Variants in PPARGC1A observed in about 807,000 individuals in gnomAD.
PPARGC1A encodes peroxisome proliferator-activated receptor gamma coactivator 1-alpha.
Under a neutral mutation model 88.7 loss-of-function variants are expected in PPARGC1A, and 25 were observed. The observed-to-expected ratio is 0.28, with a 90% confidence interval of 0.21 to 0.39. The LOEUF is 0.39. Ranked by LOEUF, PPARGC1A falls within the 10% of genes least tolerant of loss-of-function variation. The pLI, the probability that PPARGC1A is intolerant of heterozygous loss-of-function variation, is 1.00. For synonymous variants in PPARGC1A, 363 were observed against 355.6 expected, an observed-to-expected ratio of 1.02 and a Z score of -0.24; for missense variants, 880 against 968.7, an observed-to-expected ratio of 0.91 and a Z score of 1.22.
chr4:23,981,665 C>A, the PPARGC1A span, among the ~76,000 whole-genome samples: 1 of 152,294 alleles, frequency 6.6e-6, no homozygotes, highest in Non-Finnish European at 1.5e-5. Context: ...CCAGAACCCC[C>A]TAATACAGCA....
chr4:24,097,190 A>G, the PPARGC1A span, among the ~76,000 whole-genome samples: 1 of 152,182 alleles, frequency 6.6e-6, no homozygotes, highest in Admixed American at 6.5e-5. Flanking sequence ...TGCATGCCAC[A>G]ATGCTAAATG....
intron 7 of PPARGC1A, chr4:23,820,470 C>T (rs1160380800): frequency 3.9e-6 from 1 of 255,072 alleles, no homozygotes; most frequent in East Asian, 1.1e-4. Context: ...AAACCGTCAC[C>T]TTGTTGAGCT....
chr4:24,453,408 T>A, the PPARGC1A span, among the ~76,000 whole-genome samples: 1 of 152,336 alleles, frequency 6.6e-6, no homozygotes, highest in Middle Eastern at 3.4e-3. Flanking sequence ...CAACCTGACC[T>A]AATGACTGAC....
the PPARGC1A span, among the ~76,000 whole-genome samples, chr4:24,013,316 A>G: frequency 6.6e-6 from 1 of 152,168 alleles, no homozygotes. Flanking sequence ...ATTAATGTTA[A>G]TCACCACCAT....
the PPARGC1A span, among the ~76,000 whole-genome samples, chr4:24,434,541 G>A: frequency 2.0e-5 from 3 of 152,214 alleles, no homozygotes; most frequent in East Asian, 3.9e-4. Flanking sequence ...TGGCGCTCGC[G>A]TGACAAATGC....
the PPARGC1A span, among the ~76,000 whole-genome samples, chr4:24,172,031 T>C: frequency 6.6e-6 from 1 of 152,166 alleles, no homozygotes; most frequent in Non-Finnish European, 1.5e-5. Context: ...CTTACCATTG[T>C]GTTCTGAGTC....
At chr4:24,035,025 G>A in the PPARGC1A span, among the ~76,000 whole-genome samples, 4 of 152,084 alleles carry the variant, frequency 2.6e-5, no homozygotes, top group Non-Finnish European at 5.9e-5. Context: ...TCTTTTTTCA[G>A]ATTGTAATCT....
chr4:23,884,777 T>G lies in PPARGC1A; in HGVS notation c.209A>C (p.Asn70Thr). 1 of 1,613,740 alleles carries G rather than the reference T, an allele frequency of 6.2e-7. No individual in the cohort carries two copies. Among genetic ancestry groups the G allele is most frequent in the Non-Finnish European group, 8.5e-7 (1 of 1,179,810 alleles). The change falls in exon 2 of 13, where the codon AAC becomes ACC. Residue 70 changes from asparagine (N) to threonine (T), a missense_variant. Transcript: ENST00000264867. ...DQSEIISNQY[N>T]NEPSNIFEKI... ...CTCAAATATGTTTGAAGGCTCATTG[T>G]TGTACTGATTGGATATTATTTCTGA...
At chr4:23,900,656 T>C (rs114197883), upstream of PPARGC1A, among the ~76,000 whole-genome samples, 1,116 of 152,292 alleles carry the variant, frequency 7.3e-3, 15 homozygotes, top group African/African-American at 0.025. Context: ...AAAATAAAGA[T>C]TTGGAAACCA....
chr4:24,210,276 A>C, the PPARGC1A span, among the ~76,000 whole-genome samples: 1 of 152,358 alleles, frequency 6.6e-6, no homozygotes, highest in East Asian at 1.9e-4. Flanking sequence ...CAAAGGATTT[A>C]TAAATATAAA....
chr4:24,239,124 C>A, the PPARGC1A span, among the ~76,000 whole-genome samples: 1 of 152,114 alleles, frequency 6.6e-6, no homozygotes, highest in African/African-American at 2.4e-5. Flanking sequence ...CAGAAGCTTG[C>A]ACTGGAAAGT....
At chr4:24,404,351 G>C in the PPARGC1A span, among the ~76,000 whole-genome samples, 1 of 151,812 alleles carries the variant, frequency 6.6e-6, no homozygotes, top group Non-Finnish European at 1.5e-5. Flanking sequence ...CAATTTAAGG[G>C]AACAATAGCC....
At chr4:23,893,678 C>T (rs1718173832), upstream of PPARGC1A, among the ~76,000 whole-genome samples, 1 of 152,092 alleles carries the variant, frequency 6.6e-6, no homozygotes. Context: ...TTTAAGTTTG[C>T]TGAATACAGT....
At chr4:24,170,723 C>A in the PPARGC1A span, among the ~76,000 whole-genome samples, 5 of 152,142 alleles carry the variant, frequency 3.3e-5, no homozygotes, top group Non-Finnish European at 7.4e-5. Flanking sequence ...ATGGTGCCAT[C>A]ACAGTTTTGC....
the PPARGC1A span, among the ~76,000 whole-genome samples, chr4:24,032,152 C>T: frequency 0.011 from 1,615 of 152,346 alleles, 32 homozygotes; most frequent in African/African-American, 0.037. Flanking sequence ...CTAACACTCA[C>T]TAAATAATTG....
At chr4:23,833,794 T>C (rs1001037426) in intron 2 of PPARGC1A, among the ~76,000 whole-genome samples, 2 of 152,216 alleles carry the variant, frequency 1.3e-5, no homozygotes, top group African/African-American at 4.8e-5. Flanking sequence ...ATTGACGTTT[T>C]TTAATTTGCA....
At chr4:24,272,204 T>C in the PPARGC1A span, among the ~76,000 whole-genome samples, 1 of 152,232 alleles carries the variant, frequency 6.6e-6, no homozygotes, top group African/African-American at 2.4e-5. Context: ...TGGGATATGA[T>C]GAGGTTTCTC....
chr4:24,163,096 AT>A, the PPARGC1A span, among the ~76,000 whole-genome samples: 1 of 150,936 alleles, frequency 6.6e-6, no homozygotes, highest in African/African-American at 2.4e-5. Context: ...CTCTCATACA[AT>A]AGTCTTTATT....
chr4:24,150,242 A>C, the PPARGC1A span, among the ~76,000 whole-genome samples: 4 of 152,204 alleles, frequency 2.6e-5, no homozygotes, highest in Admixed American at 1.3e-4. Context: ...CTATTGAGTA[A>C]GAAGGTCAGT....
Sources: allele counts gnomAD v4.1 joint callset (sites outside exome capture counted in the v4.1 genomes callset), GRCh38; gene constraint gnomAD v4.1.1; transcripts MANE v1.5; gene names NCBI Gene and HGNC (gene_info 2026-07-23, HGNC 2026-07-21).